ZNF468: variants seen among roughly 807,000 people sequenced by gnomAD.
ZNF468 encodes the protein zinc finger protein 468, also known as zinc finger protein ZNF468.
Under a neutral mutation model 7.2 loss-of-function variants are expected in ZNF468, and 8 were observed. The observed-to-expected ratio is 1.11, with a 90% CI of 0.65 to 2.01. The LOEUF (loss-of-function observed/expected upper bound fraction) is 2.01. Ranked by LOEUF, ZNF468 falls within the 30% of genes most tolerant of loss-of-function variation. The pLI, the probability that ZNF468 is intolerant of heterozygous loss-of-function variation, is 0.00. For missense variants in ZNF468, 608 were observed against 626.5 expected, an observed-to-expected ratio of 0.97 and a Z score of 0.31; for synonymous variants, 218 against 214.4, an observed-to-expected ratio of 1.02 and a Z score of -0.15.
In ZNF468 at chr19:52,840,570, T is replaced by C; in HGVS notation, c.*155A>G. The C allele has an allele frequency of 7.2e-7, 1 of 1,381,114 alleles. No individual in the cohort carries two copies. The allele number at this position is 1,381,114 out of a possible 1,614,324, so 85.6% of individuals were successfully genotyped here. On this transcript the variant is annotated 3_prime_UTR_variant, in exon 4 of 4. Transcript: ENST00000595646. The stretch of plus-strand genomic sequence containing the variant: ...ATTCCTCCCATTTGTAAGGTTTCTC[T>C]CCAGTATGAAGTCTATGGTGATGTG...
intron 2 of ZNF468, among the ~76,000 whole-genome samples, chr19:52,853,431 G>A (rs1288487231): frequency 1.3e-5 from 2 of 152,156 alleles, no homozygotes; most frequent in Admixed American, 6.5e-5. Flanking sequence ...GCTTGCGCTT[G>A]TAATCCCAAC....
In ZNF468 at chr19:52,838,711, A is replaced by G. The variant is rs1453143431; in HGVS notation, c.*2014T>C. 6.6e-6 allele frequency: 1 copy of G among 152,246 alleles called. No individual in the cohort carries two copies. Among genetic ancestry groups the G allele is most frequent in the East Asian group, 1.9e-4 (1 of 5,204 alleles). 9.4% of individuals were successfully genotyped at this position (152,246 alleles called of 1,614,324 possible). A position where few individuals can be genotyped will look rare whatever the true frequency, so the allele number is the denominator to read the frequency against. ...CCATACATTAACAATAAATAATTTTAAAAGAAAATTAAAAACCAATTCCAT... is the reference window on the plus strand; with the variant it reads ...CCATACATTAACAATAAATAATTTTGAAAGAAAATTAAAAACCAATTCCAT... On this transcript the variant is annotated 3_prime_UTR_variant, in exon 4 of 4. Coordinates refer to ENST00000595646, the MANE Select transcript of ZNF468 (RefSeq NM_001008801.2).
At chr19:52,851,389 A>G (rs2063388827) in intron 2 of ZNF468, among the ~76,000 whole-genome samples, 1 of 152,168 alleles carries the variant, frequency 6.6e-6, no homozygotes, top group Admixed American at 6.5e-5. Context: ...ATCTTGGCTA[A>G]AAAGGTGAAA....
At chr19:52,849,421 A>G in intron 2 of ZNF468, 1 of 1,015,034 alleles carries the variant, frequency 9.9e-7, no homozygotes, top group African/African-American at 1.6e-5. Context: ...CTCAGTATAA[A>G]TTTCTTATGT....
intron 3 of ZNF468, among the ~76,000 whole-genome samples, chr19:52,842,641 G>A (rs1170031495): frequency 6.6e-6 from 1 of 151,670 alleles, no homozygotes; most frequent in Admixed American, 6.6e-5. Flanking sequence ...TCACAGCACT[G>A]ACAAGATAAC....
In ZNF468 at chr19:52,839,428, T is replaced by C; in HGVS notation, c.*1297A>G. 2.6e-6 allele frequency: 1 copy of C among 386,590 alleles called. No homozygotes were observed. Among genetic ancestry groups the C allele is most frequent in the Non-Finnish European group, 5.2e-6 (1 of 193,520 alleles). The allele number at this position is 386,590 out of a possible 1,614,324, so 23.9% of individuals were successfully genotyped here. A position where few individuals can be genotyped will look rare whatever the true frequency, so the allele number is the denominator to read the frequency against. ...AATCCTCTTAACATAAACAGTTTAATGGCAATTAATGCTTGAAATCAATGT... is the reference window on the plus strand; with the variant it reads ...AATCCTCTTAACATAAACAGTTTAACGGCAATTAATGCTTGAAATCAATGT... On this transcript the variant is annotated 3_prime_UTR_variant, in exon 4 of 4. Coordinates refer to ENST00000595646, the MANE Select transcript of ZNF468 (RefSeq NM_001008801.2).
At chr19:52,855,336 C>G (rs1318982213) in intron 1 of ZNF468, among the ~76,000 whole-genome samples, 1 of 152,168 alleles carries the variant, frequency 6.6e-6, no homozygotes, top group Non-Finnish European at 1.5e-5. Flanking sequence ...AGGGACAGTG[C>G]CATCTTCATT....
rs531943295 is a variant in ZNF468 at position 52,841,528 on chromosome 19, G to A, written c.766C>T (p.Arg256Ter). 50 of 1,614,080 alleles carry A rather than the reference G, an allele frequency of 3.1e-5. No individual in the cohort carries two copies. In the South Asian group the frequency reaches 4.7e-4, roughly 15 times the overall value. ...CATCTACGATGGCAGGCAAGGTATC[G>A]CTTCTGATTAAAGACCTTGCCACAT... ...DVCGKVFNQK[R>*]YLACHRRCHT... Residue 256 changes from arginine to a stop codon, truncating the protein, a stop_gained, in exon 4 of 4, where the codon CGA becomes TGA. Coordinates refer to ENST00000595646, the MANE Select transcript of ZNF468 (RefSeq NM_001008801.2). LOFTEE classifies it low-confidence loss of function (END_TRUNC).
chr19:52,845,152 A>T (rs952238218), intron 3 of ZNF468: 8 of 151,038 alleles, frequency 5.3e-5, no homozygotes, highest in African/African-American at 1.9e-4. Context: ...AAAATACAAA[A>T]AATTAGCCTG....
rs148817726 is a variant in ZNF468, at chr19:52,849,867, C to T, written c.16-654G>A. On this transcript the variant is annotated intron_variant, in intron 2 of 3. Coordinates refer to ENST00000595646, the MANE Select transcript of ZNF468 (RefSeq NM_001008801.2). ...GCAGTGAGCTGCAATCCCGCCAGGG[C>T]ACTCAAGCCTGGGCAACAAAGCAAG... Among the ~76,000 whole-genome samples the T allele has an allele frequency of 1.8e-3, 277 of 152,122 alleles. 1 individual carries two copies. The highest frequency in any genetic ancestry group is 6.3e-3 in the African/African-American group (261 of 41,468).
rs371134376 is a variant in ZNF468, at chr19:52,849,074, A to C, written c.142+13T>G. On this transcript the variant is annotated intron_variant, in intron 3 of 3. Transcript: ENST00000595646. ...ACACAAGGGCACATCCCCAGGAGGG[A>C]AGTTATCCTCACCCAGGGAGACGAG... The C allele has an allele frequency of 1.1e-5, 18 of 1,613,426 alleles. No homozygotes were observed. The East Asian group carries it at 1.6e-4, about 14-fold the overall frequency.
rs995463699 is a variant in ZNF468, at chr19:52,839,234, A to G, written c.*1491T>C. 6.0e-6 allele frequency: 1 copy of G among 167,186 alleles called. No homozygotes were observed. The highest frequency in any genetic ancestry group is 2.4e-5 in the African/African-American group (1 of 41,480). 10.4% of individuals were successfully genotyped at this position (167,186 alleles called of 1,614,324 possible). Reference sequence around the variant, plus strand: ...GCCACTGCACTCCAACCTGGGCGACAGAGCAAGACTCCATCTCAAAAAAAA... The same window carrying G: ...GCCACTGCACTCCAACCTGGGCGACGGAGCAAGACTCCATCTCAAAAAAAA... On this transcript the variant is annotated 3_prime_UTR_variant, in exon 4 of 4. Coordinates refer to ENST00000595646, the MANE Select transcript of ZNF468 (RefSeq NM_001008801.2).
chr19:52,851,946 G>A (rs2063393667), intron 2 of ZNF468, among the ~76,000 whole-genome samples: 2 of 152,174 alleles, frequency 1.3e-5, no homozygotes, highest in African/African-American at 4.8e-5. Context: ...ATGTATGTAT[G>A]TATATATTTA....
chr19:52,847,940 C>CT (rs1427765635), intron 3 of ZNF468, among the ~76,000 whole-genome samples: 1 of 152,188 alleles, frequency 6.6e-6, no homozygotes, highest in Admixed American at 6.5e-5. Flanking sequence ...CATGGGCCCA[C>CT]TGTTCTTTCT....
chr19:52,849,126 C>A lies in ZNF468; in HGVS notation c.103G>T (p.Asp35Tyr). The change falls in exon 3 of 4, where the codon GAC (aspartate) becomes TAC (tyrosine). Residue 35 changes from aspartate (D) to tyrosine (Y), a missense_variant. By Grantham distance (160) the Asp-to-Tyr change is radical. Transcript: ENST00000595646. ...TTCCTATAATTCTCCAGCATCACGT[C>A]CCTGTATAAAGTCCTCTGAGCAGGG... is the stretch of plus-strand genomic sequence containing the variant. ...LDPAQRTLYR[D>Y]VMLENYRNLV... 1 of 1,614,016 alleles carries A rather than the reference C, an allele frequency of 6.2e-7. No individual in the cohort carries two copies. Among genetic ancestry groups the A allele is most frequent in the Non-Finnish European group, 8.5e-7 (1 of 1,179,938 alleles).
rs370093181 is a variant in ZNF468 at position 52,850,854 on chromosome 19, G to A, written c.16-1641C>T. On this transcript the variant is annotated intron_variant, in intron 2 of 3. Transcript: ENST00000595646. Reference sequence around the variant, plus strand: ...GTGGAGCTTGCAGTGAGCCGAGATCGCGCCACTGCACTCCAGCCTGGGCGA... The same window carrying A: ...GTGGAGCTTGCAGTGAGCCGAGATCACGCCACTGCACTCCAGCCTGGGCGA... Among the ~76,000 whole-genome samples the A allele has an allele frequency of 5.1e-4, 77 of 151,876 alleles. No individual in the cohort carries two copies. The East Asian group carries it at 7.4e-3, about 15-fold the overall frequency.
At chr19:52,853,187 G>A (rs530853705) in intron 2 of ZNF468, among the ~76,000 whole-genome samples, 2 of 152,176 alleles carry the variant, frequency 1.3e-5, no homozygotes, top group Admixed American at 1.3e-4. Context: ...TAACGATGCA[G>A]AAATACACGT....
Position 52,841,225 on chromosome 19 carries a change from A to G in ZNF468, c.1069T>C (p.Cys357Arg), listed in dbSNP as rs1406745373. 2 of 1,613,776 alleles carry G rather than the reference A, an allele frequency of 1.2e-6. No homozygotes were observed. The highest frequency in any genetic ancestry group is 2.2e-5 in the East Asian group (1 of 44,866). ...ILHTGEKPYT[C>R]NECGKVFNRL... ...TTAAAAACTTTGCCACATTCATTAC[A>G]TGTGTAAGGTTTCTCTCCAGTGTGA... The change falls in exon 4 of 4, where the codon TGT (cysteine) becomes CGT (arginine). Residue 357 changes from cysteine to arginine, a missense_variant. Cys to Arg is a radical substitution (Grantham distance 180). Transcript: ENST00000595646.
chr19:52,849,863 A>G (rs1201800103), intron 2 of ZNF468, among the ~76,000 whole-genome samples: 2 of 152,118 alleles, frequency 1.3e-5, no homozygotes, highest in East Asian at 3.9e-4. Context: ...CAATCCCGCC[A>G]GGGCACTCAA....
Sources: allele counts gnomAD v4.1 joint callset (sites outside exome capture counted in the v4.1 genomes callset), GRCh38; gene constraint gnomAD v4.1.1; transcripts MANE v1.5; gene names NCBI Gene and HGNC (gene_info 2026-07-23, HGNC 2026-07-21).